Variants in CCDC175 observed in about 807,000 individuals in gnomAD.
CCDC175 encodes coiled-coil domain-containing protein 175.
A neutral mutation model predicts 114.6 loss-of-function variants in CCDC175; 100 were observed. The observed-to-expected ratio is 0.87, with a 90% CI of 0.74 to 1.03. The LOEUF is 1.03. CCDC175 is among the 50% of genes least tolerant of loss of function. The pLI, the probability that CCDC175 is intolerant of heterozygous loss-of-function variation, is 0.00. For synonymous variants in CCDC175, 306 were observed against 308.7 expected, an observed-to-expected ratio of 0.99 and a Z score of 0.09; for missense variants, 880 against 917.8, an observed-to-expected ratio of 0.96 and a Z score of 0.53.
In CCDC175 at chr14:59,552,140, T is replaced by G. The variant is rs1409191993; in HGVS notation, c.954-704A>C. Among the ~76,000 whole-genome samples, 12 of 152,268 alleles carry G rather than the reference T, an allele frequency of 7.9e-5. No individual in the cohort carries two copies. The East Asian group carries it at 2.3e-3, about 29-fold the overall frequency. The stretch of plus-strand genomic sequence containing the variant: ...GAGTAGTGGTTCTCCCGGCACGGAG[T>G]TTGAGATCTGAGAACAGACAGACTG... On this transcript the variant is annotated intron_variant, in intron 7 of 19. Coordinates refer to ENST00000537690, the MANE Select transcript of CCDC175 (RefSeq NM_001164399.2).
intron 3 of CCDC175, among the ~76,000 whole-genome samples, chr14:59,568,615 T>G (rs568427633): frequency 6.6e-6 from 1 of 152,176 alleles, no homozygotes; most frequent in South Asian, 2.1e-4. Flanking sequence ...AGGTGCAGTC[T>G]GATAGTGCCT....
chr14:59,507,584 G>T (rs934639639), intron 19 of CCDC175, among the ~76,000 whole-genome samples: 3 of 152,180 alleles, frequency 2.0e-5, no homozygotes, highest in Non-Finnish European at 4.4e-5. Context: ...GAAGTCCTGT[G>T]GCAGAACCCA....
intron 8 of CCDC175, among the ~76,000 whole-genome samples, chr14:59,547,654 T>C (rs1895195427): frequency 6.6e-6 from 1 of 152,196 alleles, no homozygotes; most frequent in Non-Finnish European, 1.5e-5. Context: ...TATGGAAAAA[T>C]ATGAATCTTG....
At chr14:59,530,301 A>C (rs993424857) in intron 14 of CCDC175, among the ~76,000 whole-genome samples, 1 of 152,016 alleles carries the variant, frequency 6.6e-6, no homozygotes, top group Non-Finnish European at 1.5e-5. Flanking sequence ...CAGGAGGTGG[A>C]GGTTGCAGTG....
At chr14:59,539,600 G>C (rs1894637785) in intron 11 of CCDC175, among the ~76,000 whole-genome samples, 2 of 150,572 alleles carry the variant, frequency 1.3e-5, no homozygotes, top group Non-Finnish European at 3.0e-5. Flanking sequence ...AGTGCAATTA[G>C]AGTCTTTAAG....
At chr14:59,506,288 T>C (rs963929726) in intron 19 of CCDC175, among the ~76,000 whole-genome samples, 1 of 151,206 alleles carries the variant, frequency 6.6e-6, no homozygotes, top group African/African-American at 2.4e-5. Context: ...TTTTTTTTTT[T>C]TTCTTTTTTT....
chr14:59,526,448 A>C (rs908581878), intron 15 of CCDC175, among the ~76,000 whole-genome samples: 4 of 152,050 alleles, frequency 2.6e-5, no homozygotes, highest in African/African-American at 9.7e-5. Flanking sequence ...TCTACTAAAA[A>C]ATACAAAAAT....
chr14:59,525,102 G>T (rs980141317), intron 16 of CCDC175, among the ~76,000 whole-genome samples, 180 bp downstream of exon 16: 3 of 152,162 alleles, frequency 2.0e-5, no homozygotes, highest in African/African-American at 7.2e-5. Flanking sequence ...CTTGATGTGG[G>T]TCCTGGTACA....
intron 6 of CCDC175, 48 bp downstream of exon 6, chr14:59,563,689 A>C: frequency 8.6e-7 from 1 of 1,167,824 alleles, no homozygotes; most frequent in Non-Finnish European, 1.1e-6. Context: ...TTTTTTATTG[A>C]GGTGCCTAGA....
At chr14:59,524,112 G>A (rs1213145020) in intron 16 of CCDC175, among the ~76,000 whole-genome samples, 1 of 152,168 alleles carries the variant, frequency 6.6e-6, no homozygotes, top group African/African-American at 2.4e-5. Flanking sequence ...AGTGTCACTG[G>A]TGAATGACAG....
At chr14:59,548,853 AG>A (rs914024446) in intron 8 of CCDC175, among the ~76,000 whole-genome samples, 6 of 152,152 alleles carry the variant, frequency 3.9e-5, no homozygotes, top group African/African-American at 1.4e-4. Context: ...TTCTTCTGGG[AG>A]GGAGCTGCCT....
intron 8 of CCDC175, among the ~76,000 whole-genome samples, chr14:59,548,474 A>G (rs1240899224): frequency 6.6e-6 from 1 of 152,216 alleles, no homozygotes; most frequent in Non-Finnish European, 1.5e-5. Context: ...TCACTCACTT[A>G]TAACCATGGA....
At chr14:59,564,925 C>T (rs185947606) in intron 5 of CCDC175, 122 bp downstream of exon 5, 3 of 699,224 alleles carry the variant, frequency 4.3e-6, no homozygotes, top group Non-Finnish European at 7.0e-6. Flanking sequence ...GTTTTCCCAG[C>T]GCGTTCACAG....
chr14:59,541,403 C>T (rs988624887), intron 10 of CCDC175, among the ~76,000 whole-genome samples: 6 of 152,180 alleles, frequency 3.9e-5, no homozygotes, highest in African/African-American at 1.2e-4. Context: ...TCCCCAGCCC[C>T]GCCTTTTCCC....
At chr14:59,551,250 T>C in intron 8 of CCDC175, 105 bp downstream of exon 8, 1 of 591,668 alleles carries the variant, frequency 1.7e-6, no homozygotes. Context: ...TATTGGTCAA[T>C]GAAAAACATC....
chr14:59,551,188 A>C, intron 8 of CCDC175, 167 bp downstream of exon 8: 1 of 442,340 alleles, frequency 2.3e-6, no homozygotes. Context: ...TGATATAATT[A>C]AAGTACTTTG....
chr14:59,575,999 C>T (rs1466945662), intron 1 of CCDC175, among the ~76,000 whole-genome samples: 1 of 152,276 alleles, frequency 6.6e-6, no homozygotes, highest in Admixed American at 6.5e-5. Context: ...TTGGCCTAAA[C>T]GGTTTTTGCA....
At chr14:59,541,497 A>G (rs1894784999) in intron 10 of CCDC175, among the ~76,000 whole-genome samples, 1 of 152,206 alleles carries the variant, frequency 6.6e-6, no homozygotes, top group Admixed American at 6.5e-5. Flanking sequence ...AATATTCACA[A>G]ATGAAACTTA....
chr14:59,537,149 C>G (rs12436694), intron 13 of CCDC175, among the ~76,000 whole-genome samples: 5 of 152,042 alleles, frequency 3.3e-5, no homozygotes, highest in African/African-American at 1.2e-4. Context: ...GGAAAGTTTG[C>G]TCCTCTTTTC....
Sources: allele counts gnomAD v4.1 joint callset (sites outside exome capture counted in the v4.1 genomes callset), GRCh38; gene constraint gnomAD v4.1.1; transcripts MANE v1.5; gene names NCBI Gene and HGNC (gene_info 2026-07-23, HGNC 2026-07-21).